The following NCOA3 variants were observed in gnomAD, a reference collection of about 807,000 sequenced individuals.
The protein encoded by NCOA3 is CBP-interacting protein.
Under a neutral mutation model 158.8 loss-of-function variants are expected in NCOA3, and 51 were observed. The ratio of observed to expected loss-of-function variants is 0.32; its 90% CI spans 0.26 to 0.41. The LOEUF (loss-of-function observed/expected upper bound fraction) is 0.41. Among genes scored for constraint, NCOA3 ranks in the 10% least tolerant of loss-of-function variants. The pLI is 1.00. For missense variants in NCOA3, 1,510 were observed against 1,746.6 expected (o/e 0.86, Z 2.41); for synonymous variants, 537 against 592.4 (o/e 0.91, Z 1.36).
At chr20:47,644,747 G>C (rs1164838435) in intron 17 of NCOA3, among the ~76,000 whole-genome samples, 1 of 152,026 alleles carries the variant, frequency 6.6e-6, no homozygotes, top group South Asian at 2.1e-4. Flanking sequence ...GCCCAGGCTG[G>C]AGTGCAGAAG....
intron 20 of NCOA3, among the ~76,000 whole-genome samples, chr20:47,652,183 A>G (rs1047061647): frequency 6.6e-6 from 1 of 152,160 alleles, no homozygotes; most frequent in Non-Finnish European, 1.5e-5. Context: ...TCAGTGATCC[A>G]GATGGTGCTC....
intron 1 of NCOA3, among the ~76,000 whole-genome samples, chr20:47,543,729 C>T (rs1161918047): frequency 1.3e-5 from 2 of 152,096 alleles, no homozygotes; most frequent in Non-Finnish European, 2.9e-5. Context: ...AGGCTGGTCT[C>T]GAATTCCTGA....
intron 2 of NCOA3, among the ~76,000 whole-genome samples, chr20:47,590,821 A>T (rs1455230317): frequency 6.6e-6 from 1 of 151,978 alleles, no homozygotes; most frequent in Non-Finnish European, 1.5e-5. Flanking sequence ...AAAACAAAAC[A>T]AAAAACGGCT....
At chr20:47,617,070 C>G (rs6090707) in intron 2 of NCOA3, among the ~76,000 whole-genome samples, 2,600 of 152,284 alleles carry the variant, frequency 0.017, 77 homozygotes, top group African/African-American at 0.059. Flanking sequence ...TTTCTCCTGC[C>G]TCAGCTTCCT....
In NCOA3 at chr20:47,652,524, C is replaced by T. The variant is rs1220565656; in HGVS notation, c.4065C>T (p.Ser1355=). 9 of 1,613,828 alleles carry T rather than the reference C, an allele frequency of 5.6e-6. No homozygotes were observed. The African/African-American group carries it at 9.3e-5, about 17-fold the overall frequency. ...NPMMQHPQAA[S]IYQSSEMKGW... is the part of the protein sequence containing the mutation. ...TGATGCAACACCCGCAGGCTGCATC[C>T]ATCTATCAGTCCTCAGAAATGAAGG... The change falls in exon 21 of 23, where the codon TCC becomes TCT. Residue 1355 remains serine (S), a synonymous_variant. Transcript: ENST00000371998.
chr20:47,623,006 G>C (rs1167503389), intron 3 of NCOA3: 1 of 152,156 alleles, frequency 6.6e-6, no homozygotes, highest in African/African-American at 2.4e-5. Flanking sequence ...GGTCTCAGAG[G>C]CCTGACAGTT....
chr20:47,651,341 C>CA (rs2086792098), intron 20 of NCOA3, 65 bp downstream of exon 20: 1 of 1,527,982 alleles, frequency 6.5e-7, no homozygotes, highest in Non-Finnish European at 8.8e-7. Context: ...AGCTTCATTA[C>CA]ATTTATTGCA....
intron 1 of NCOA3, among the ~76,000 whole-genome samples, chr20:47,535,272 G>C (rs974971379): frequency 5.3e-5 from 8 of 152,164 alleles, no homozygotes; most frequent in Non-Finnish European, 1.0e-4. Context: ...GAGTGTTTTT[G>C]GGCTTTGACT....
chr20:47,613,826 G>A (rs1407925873), intron 2 of NCOA3, among the ~76,000 whole-genome samples: 15 of 151,548 alleles, frequency 9.9e-5, no homozygotes, highest in Non-Finnish European at 1.5e-5. Context: ...CAGGAGAATC[G>A]CTTGAACCTG....
intron 1 of NCOA3, among the ~76,000 whole-genome samples, chr20:47,560,968 CTTTTTTTTTTT>C (rs11481985): frequency 2.2e-4 from 22 of 101,188 alleles, no homozygotes; most frequent in African/African-American, 7.5e-4. Flanking sequence ...ATCCCTCATT[CTTTTTTTTTTT>C]TTTTTTTTTT....
At chr20:47,597,083 A>G (rs779981869) in intron 2 of NCOA3, among the ~76,000 whole-genome samples, 1 of 152,214 alleles carries the variant, frequency 6.6e-6, no homozygotes, top group African/African-American at 2.4e-5. Context: ...TACATTTACA[A>G]TTTAATGAGT....
At chr20:47,608,725 G>GTTAT (rs2085993829) in intron 2 of NCOA3, among the ~76,000 whole-genome samples, 1 of 151,728 alleles carries the variant, frequency 6.6e-6, no homozygotes, top group African/African-American at 2.4e-5. Context: ...CATAGCAGAA[G>GTTAT]TTATTACAGG....
In NCOA3 at chr20:47,639,730, T is replaced by C; in HGVS notation, c.2861T>C (p.Leu954Pro). ...AATACTTCTTTACCCAGACCTGCAC[T>C]GGGTGGCTCTATTCCCACATTGCCT... Reference protein sequence around the residue: ...DYNTSLPRPALGGSIPTLPLR... With the variant: ...DYNTSLPRPAPGGSIPTLPLR... The change falls in exon 15 of 23, where the codon CTG becomes CCG. Residue 954 changes from leucine (L) to proline (P), a missense_variant. Transcript: ENST00000371998. 1 of 1,614,198 alleles carries C rather than the reference T, an allele frequency of 6.2e-7. No individual in the cohort carries two copies. Among genetic ancestry groups the C allele is most frequent in the Non-Finnish European group, 8.5e-7 (1 of 1,180,044 alleles).
chr20:47,509,943 A>G (rs575595649), intron 1 of NCOA3, among the ~76,000 whole-genome samples: 66 of 152,206 alleles, frequency 4.3e-4, no homozygotes, highest in Non-Finnish European at 8.7e-4. Flanking sequence ...CGCAGTTGGA[A>G]CAGTAGTTGA....
intron 2 of NCOA3, among the ~76,000 whole-genome samples, chr20:47,617,834 C>T (rs1457051777): frequency 6.6e-6 from 1 of 152,144 alleles, no homozygotes; most frequent in Non-Finnish European, 1.5e-5. Context: ...AACAATTTGT[C>T]ATTTACTCTT....
intron 2 of NCOA3, among the ~76,000 whole-genome samples, chr20:47,608,640 C>CAAAA (rs148545557): frequency 1.0e-5 from 1 of 98,674 alleles, no homozygotes; most frequent in Non-Finnish European, 2.0e-5. Flanking sequence ...ACCCTGTCTC[C>CAAAA]AAAAAAAAAA....
chr20:47,584,401 C>T (rs1418885995), intron 2 of NCOA3, among the ~76,000 whole-genome samples: 2 of 152,114 alleles, frequency 1.3e-5, no homozygotes, highest in Non-Finnish European at 2.9e-5. Context: ...GGGTGGATCA[C>T]CTGAGGTTAG....
At chr20:47,618,112 C>T (rs1014102331) in intron 2 of NCOA3, among the ~76,000 whole-genome samples, 5 of 152,080 alleles carry the variant, frequency 3.3e-5, no homozygotes, top group African/African-American at 9.7e-5. Context: ...TGGCACACAC[C>T]TATAATCTCA....
At chr20:47,583,445 T>C (rs2085485480) in intron 2 of NCOA3, among the ~76,000 whole-genome samples, 184 bp downstream of exon 2, 1 of 151,722 alleles carries the variant, frequency 6.6e-6, no homozygotes, top group Non-Finnish European at 1.5e-5. Flanking sequence ...TATGTACAGT[T>C]GGCCCTTGAA....
Sources: allele counts gnomAD v4.1 joint callset (sites outside exome capture counted in the v4.1 genomes callset), GRCh38; gene constraint gnomAD v4.1.1; transcripts MANE v1.5; gene names NCBI Gene and HGNC (gene_info 2026-07-23, HGNC 2026-07-21).